The following RNF150 variants were observed in gnomAD, a reference collection of about 807,000 sequenced individuals.
The protein encoded by RNF150 is ring finger protein 150.
A neutral mutation model predicts 39.3 loss-of-function variants in RNF150; 24 were observed. That is an observed-to-expected ratio of 0.61 (90% CI 0.44 to 0.86). The LOEUF is 0.86. Among genes scored for constraint, RNF150 ranks in the 40% least tolerant of loss-of-function variants. The pLI, the probability that RNF150 is intolerant of heterozygous loss-of-function variation, is 0.00. For synonymous variants in RNF150, 255 were observed against 227.3 expected (o/e 1.12, Z -1.10); for missense variants, 502 against 587.8 (o/e 0.85, Z 1.51).
intron 1 of RNF150, among the ~76,000 whole-genome samples, chr4:141,072,075 A>G (rs1247930099): frequency 1.3e-5 from 2 of 152,206 alleles, no homozygotes; most frequent in Non-Finnish European, 2.9e-5. Flanking sequence ...GCTAAACAAG[A>G]TCCCAGAGTG....
intron 6 of RNF150, among the ~76,000 whole-genome samples, chr4:140,882,405 C>T (rs1292157440): frequency 6.6e-6 from 1 of 152,150 alleles, no homozygotes; most frequent in African/African-American, 2.4e-5. Flanking sequence ...GTGTATTCTG[C>T]TACTGTTGGG....
chr4:140,990,578 C>A (rs567901968), intron 1 of RNF150, among the ~76,000 whole-genome samples: 1 of 152,206 alleles, frequency 6.6e-6, no homozygotes, highest in Non-Finnish European at 1.5e-5. Context: ...TAAGTGAGAA[C>A]ATGCAGTGTT....
chr4:140,904,680 T>G (rs1465302548), intron 6 of RNF150, among the ~76,000 whole-genome samples: 1 of 152,200 alleles, frequency 6.6e-6, no homozygotes, highest in African/African-American at 2.4e-5. Context: ...GCTGCACATG[T>G]GAAACAGAAA....
chr4:141,113,903 C>A (rs1275015566), intron 1 of RNF150, among the ~76,000 whole-genome samples: 1 of 152,146 alleles, frequency 6.6e-6, no homozygotes, highest in Admixed American at 6.5e-5. Context: ...ACTGAACAAC[C>A]TTCTCCTGAA....
intron 1 of RNF150, among the ~76,000 whole-genome samples, chr4:141,122,405 C>G (rs781356385): frequency 6.6e-6 from 1 of 152,244 alleles, no homozygotes; most frequent in Non-Finnish European, 1.5e-5. Flanking sequence ...GCAGCAGCAC[C>G]GCCAATATCC....
chr4:141,129,430 A>G, intron 1 of RNF150, among the ~76,000 whole-genome samples: 2 of 152,222 alleles, frequency 1.3e-5, no homozygotes, highest in East Asian at 3.9e-4. Flanking sequence ...ACATGAAGAC[A>G]GAATGTAGAT....
chr4:141,115,221 A>G (rs1739512712), intron 1 of RNF150, among the ~76,000 whole-genome samples: 1 of 152,260 alleles, frequency 6.6e-6, no homozygotes, highest in Non-Finnish European at 1.5e-5. Context: ...TGCAGACTAC[A>G]TGATTGTATG....
At chr4:140,909,844 T>A (rs1484182757) in intron 6 of RNF150, among the ~76,000 whole-genome samples, 3 of 152,194 alleles carry the variant, frequency 2.0e-5, no homozygotes, top group African/African-American at 7.2e-5. Flanking sequence ...GTCCTATTTA[T>A]CAAAAACTAA....
intron 1 of RNF150, among the ~76,000 whole-genome samples, chr4:141,059,566 T>C (rs1737130415): frequency 6.6e-6 from 1 of 152,142 alleles, no homozygotes; most frequent in Non-Finnish European, 1.5e-5. Context: ...TCTATTTTTT[T>C]TGCAGTAATT....
At chr4:141,078,640 A>G (rs1738004955) in intron 1 of RNF150, among the ~76,000 whole-genome samples, 1 of 150,784 alleles carries the variant, frequency 6.6e-6, no homozygotes, top group Admixed American at 6.6e-5. Context: ...AAAAAAAAAA[A>G]TTAGCCGGGC....
intron 4 of RNF150, chr4:140,944,736 A>T (rs1213923734): frequency 6.6e-6 from 1 of 152,186 alleles, no homozygotes. Context: ...GAGTGAAGGG[A>T]GATGATAAAC....
intron 1 of RNF150, among the ~76,000 whole-genome samples, chr4:141,068,467 T>C (rs1008231013): frequency 1.3e-5 from 2 of 152,158 alleles, no homozygotes; most frequent in Non-Finnish European, 2.9e-5. Context: ...TGTAGCCTTG[T>C]AGTATAGTTT....
At chr4:141,078,265 G>C (rs1174394148) in intron 1 of RNF150, among the ~76,000 whole-genome samples, 1 of 152,122 alleles carries the variant, frequency 6.6e-6, no homozygotes, top group Non-Finnish European at 1.5e-5. Flanking sequence ...GGCCAACAGG[G>C]ACTTCAATGA....
chr4:141,090,996 A>AG (rs1292931992), intron 1 of RNF150, among the ~76,000 whole-genome samples: 2 of 152,220 alleles, frequency 1.3e-5, no homozygotes, highest in Non-Finnish European at 1.5e-5. Flanking sequence ...GCTCCACTCT[A>AG]TTCTACTTGG....
chr4:141,147,068 C>T (rs1230523251), intron 1 of RNF150, among the ~76,000 whole-genome samples: 1 of 152,196 alleles, frequency 6.6e-6, no homozygotes, highest in Non-Finnish European at 1.5e-5. Context: ...GCTCCTCCCA[C>T]CTCAGCATCC....
chr4:140,878,597 A>G (rs957710429), intron 6 of RNF150, among the ~76,000 whole-genome samples: 6 of 152,090 alleles, frequency 3.9e-5, no homozygotes, highest in African/African-American at 1.2e-4. Context: ...CTATTTTTCA[A>G]TAGGGTTATT....
intron 6 of RNF150, among the ~76,000 whole-genome samples, chr4:140,909,703 G>A (rs1023442365): frequency 6.6e-6 from 1 of 151,832 alleles, no homozygotes; most frequent in Non-Finnish European, 1.5e-5. Context: ...TATTAATATC[G>A]GGCTGCACCA....
intron 1 of RNF150, among the ~76,000 whole-genome samples, chr4:141,040,591 T>C (rs1736320602): frequency 1.3e-5 from 2 of 152,122 alleles, no homozygotes; most frequent in South Asian, 4.1e-4. Flanking sequence ...TCAAGGCACT[T>C]CTGCAAGAAA....
At chr4:140,984,373 T>C (rs541377316) in intron 1 of RNF150, among the ~76,000 whole-genome samples, 1 of 152,138 alleles carries the variant, frequency 6.6e-6, no homozygotes, top group Non-Finnish European at 1.5e-5. Context: ...TAGACTAATA[T>C]GTAAGTGAAC....
Sources: gnomAD v4.1 joint callset for allele counts (sites outside exome capture counted in the v4.1 genomes callset) on GRCh38, gnomAD v4.1.1 for gene constraint, MANE v1.5 for transcripts, NCBI Gene and HGNC (gene_info 2026-07-23, HGNC 2026-07-21) for gene names.